TNKS: variants seen among roughly 807,000 people sequenced by gnomAD.
The protein encoded by TNKS is poly [ADP-ribose] polymerase tankyrase-1.
A neutral mutation model predicts 135.8 loss-of-function variants in TNKS; 72 were observed. That is an observed-to-expected ratio of 0.53 (90% CI 0.44 to 0.64). TNKS has a LOEUF of 0.64. TNKS is among the 30% of genes least tolerant of loss of function. TNKS has a pLI of 0.00. For missense variants in TNKS, 1,769 were observed against 1,674.0 expected (o/e 1.06, Z -0.99); for synonymous variants, 849 against 649.3 (o/e 1.31, Z -4.68).
Position 9,766,215 on chromosome 8 carries a change from ATCTT to A in TNKS, c.3554-20_3554-17del, listed in dbSNP as rs781609507. Reference sequence around the variant, plus strand: ...CTTCTAGAAAAGTGTTCAAAAACGAATCTTTCTGTCTTCGTATTTCTAGGTTCTC... The same window carrying A: ...CTTCTAGAAAAGTGTTCAAAAACGAATCTGTCTTCGTATTTCTAGGTTCTC... On this transcript the variant is annotated intron_variant, in intron 24 of 26. Transcript: ENST00000310430. The A allele has an allele frequency of 1.9e-6, 3 of 1,584,922 alleles. No individual in the cohort carries two copies. Among genetic ancestry groups the A allele is most frequent in the African/African-American group, 1.4e-5 (1 of 74,012 alleles).
chr8:9,632,829 A>G (rs894015084), intron 3 of TNKS, among the ~76,000 whole-genome samples: 2 of 152,166 alleles, frequency 1.3e-5, no homozygotes, highest in African/African-American at 4.8e-5. Flanking sequence ...TCCCGGGTTC[A>G]TACCATTCTC....
chr8:9,580,376 G>T lies in TNKS; in HGVS notation c.891G>T (p.Val297=). The part of the protein sequence containing the change: ...HEAAIKGKID[V]CIVLLQHGAD... Reference sequence around the variant, plus strand: ...CTGCTATTAAAGGGAAGATCGATGTGTGCATTGGTAAGTATCATTTGATGA... The same window carrying T: ...CTGCTATTAAAGGGAAGATCGATGTTTGCATTGGTAAGTATCATTTGATGA... Residue 297 remains valine, a synonymous_variant, in exon 2 of 27, where the codon GTG becomes GTT. Transcript: ENST00000310430. 2 of 1,613,640 alleles carry T rather than the reference G, an allele frequency of 1.2e-6. No homozygotes were observed. The highest frequency in any genetic ancestry group is 1.7e-6 in the Non-Finnish European group (2 of 1,179,694).
At chr8:9,727,879 A>G (rs2128815942) in intron 13 of TNKS, among the ~76,000 whole-genome samples, 1 of 152,338 alleles carries the variant, frequency 6.6e-6, no homozygotes, top group South Asian at 2.1e-4. Context: ...TGTGATAGCC[A>G]CTAGGGAGAA....
intron 3 of TNKS, among the ~76,000 whole-genome samples, chr8:9,648,978 A>T (rs1801027218): frequency 6.6e-6 from 1 of 152,092 alleles, no homozygotes; most frequent in Non-Finnish European, 1.5e-5. Flanking sequence ...GGTTTAGGGT[A>T]TAGACTTAGA....
chr8:9,704,204 T>C (rs1803947212), intron 5 of TNKS, among the ~76,000 whole-genome samples: 1 of 152,202 alleles, frequency 6.6e-6, no homozygotes, highest in South Asian at 2.1e-4. Context: ...TTTTTCAATC[T>C]TTCCTATTAA....
At position 9,697,179 on chromosome 8, in the gene TNKS, C is replaced by T. The variant is rs571566461; in HGVS notation, c.1108-7484C>T. 1.1e-3 allele frequency among the ~76,000 whole-genome samples: 174 copies of T among 152,186 alleles called. 1 individual carries two copies. Among genetic ancestry groups the T allele is most frequent in the Admixed American group, 2.2e-3 (34 of 15,288 alleles). On this transcript the variant is annotated intron_variant, in intron 5 of 26. Coordinates refer to ENST00000310430, the MANE Select transcript of TNKS (RefSeq NM_003747.3). Reference sequence around the variant, plus strand: ...ATAATCATCTGATCTTCCACAAGTCCAACGAAAAGAATTAATGGGGAAAGG... The same window carrying T: ...ATAATCATCTGATCTTCCACAAGTCTAACGAAAAGAATTAATGGGGAAAGG...
chr8:9,729,463 C>T (rs1805317853), intron 13 of TNKS, among the ~76,000 whole-genome samples: 1 of 152,206 alleles, frequency 6.6e-6, no homozygotes, highest in Non-Finnish European at 1.5e-5. Flanking sequence ...CTATTGTCTG[C>T]TCTGCTTCAT....
intron 21 of TNKS, among the ~76,000 whole-genome samples, chr8:9,761,857 C>G (rs1016402225): frequency 6.6e-6 from 1 of 152,180 alleles, no homozygotes; most frequent in Admixed American, 6.5e-5. Context: ...CTCAATTTTT[C>G]TGGAATCTCT....
chr8:9,680,596 GATTT>G (rs1802742011), intron 4 of TNKS, 125 bp from the exon 5 acceptor site: 1 of 617,582 alleles, frequency 1.6e-6, no homozygotes, highest in South Asian at 2.3e-5. Context: ...TTGCAAAAGA[GATTT>G]ATTGTGATCC....
At position 9,771,134 on chromosome 8, in the gene TNKS, G is replaced by C. The variant is rs953515048; in HGVS notation, c.3897+872G>C. Among the ~76,000 whole-genome samples the C allele has an allele frequency of 2.0e-5, 3 of 151,030 alleles. No homozygotes were observed. The East Asian group carries it at 5.8e-4, about 29-fold the overall frequency. On this transcript the variant is annotated intron_variant, in intron 26 of 26. Transcript: ENST00000310430. ...AGAGAAAGAGAAACCAAGGAAGGGA[G>C]GGAAGGAGAGAGAGAGAGACAGACA...
chr8:9,766,178 C>T, intron 24 of TNKS, 61 bp from the exon 25 acceptor site: 5 of 1,390,970 alleles, frequency 3.6e-6, no homozygotes, highest in Non-Finnish European at 5.0e-6. Flanking sequence ...AAATAGTGTG[C>T]AGGTAATTGA....
At chr8:9,669,981 A>G (rs1236458845) in intron 3 of TNKS, 1 of 152,216 alleles carries the variant, frequency 6.6e-6, no homozygotes. Context: ...ATTAGCTTCA[A>G]AAAAAGTGAC....
intron 1 of TNKS, among the ~76,000 whole-genome samples, chr8:9,560,190 C>A (rs968409241): frequency 1.3e-5 from 2 of 151,960 alleles, no homozygotes; most frequent in African/African-American, 4.8e-5. Context: ...ATTCTGAAGA[C>A]GTCTCTTTTT....
At chr8:9,676,549 A>G (rs2128795449) in intron 3 of TNKS, among the ~76,000 whole-genome samples, 1 of 152,244 alleles carries the variant, frequency 6.6e-6, no homozygotes, top group Middle Eastern at 3.4e-3. Flanking sequence ...TCAAAAAGTA[A>G]TTTTGCCTTT....
intron 3 of TNKS, among the ~76,000 whole-genome samples, chr8:9,622,404 A>C (rs1293611046): frequency 6.6e-6 from 1 of 152,192 alleles, no homozygotes; most frequent in Admixed American, 6.5e-5. Flanking sequence ...TCCAGGTGCT[A>C]TTTCAAGGGC....
Position 9,734,880 on chromosome 8 carries a change from A to C in TNKS, c.2329A>C (p.Thr777Pro). Residue 777 changes from threonine (T) to proline (P), a missense_variant, in exon 16 of 27, where the codon ACT (threonine) becomes CCT (proline). Around this residue, in one of 5 missense-constraint regions of TNKS, gnomAD observed 722 missense variants for 688.9 expected, o/e 1.05. Transcript: ENST00000310430. ...KLLLKHGADP[T>P]KKNRDGNTPL... is the part of the protein sequence containing the mutation. The stretch of plus-strand genomic sequence containing the variant: ...TTCTTTGTAGCATGGAGCAGATCCA[A>C]CTAAAAAGAACAGAGATGGAAATAC... 6.2e-7 allele frequency: 1 copy of C among 1,614,036 alleles called. No individual in the cohort carries two copies. Among genetic ancestry groups the C allele is most frequent in the Non-Finnish European group, 8.5e-7 (1 of 1,179,934 alleles).
chr8:9,672,440 G>A (rs1224184745), intron 3 of TNKS, among the ~76,000 whole-genome samples: 1 of 151,904 alleles, frequency 6.6e-6, no homozygotes, highest in East Asian at 1.9e-4. Flanking sequence ...GTGTAGCTGT[G>A]TACACTAAAT....
At chr8:9,772,399 A>T (rs1807961965) in intron 26 of TNKS, 2 of 455,668 alleles carry the variant, frequency 4.4e-6, no homozygotes, top group African/African-American at 4.0e-5. Flanking sequence ...ACATCTCTGC[A>T]GCATTCCAGC....
At chr8:9,664,907 A>G (rs897310990) in intron 3 of TNKS, among the ~76,000 whole-genome samples, 1 of 152,196 alleles carries the variant, frequency 6.6e-6, no homozygotes, top group African/African-American at 2.4e-5. Flanking sequence ...CCATATCCCT[A>G]TGTGCTGTCT....
Sources: gnomAD v4.1 joint callset for allele counts (sites outside exome capture counted in the v4.1 genomes callset) on GRCh38, gnomAD v4.1.1 for gene constraint, gnomAD v4.1.1 regional missense constraint, MANE v1.5 for transcripts, NCBI Gene and HGNC (gene_info 2026-07-23, HGNC 2026-07-21) for gene names.